SIK2: variants seen among roughly 807,000 people sequenced by gnomAD.
SIK2 encodes serine/threonine-protein kinase SIK2.
A neutral mutation model predicts 103.2 loss-of-function variants in SIK2; 29 were observed. That is an observed-to-expected ratio of 0.28 (90% CI 0.21 to 0.38). The LOEUF (loss-of-function observed/expected upper bound fraction) is 0.38. Among genes scored for constraint, SIK2 ranks in the 10% least tolerant of loss-of-function variants. The probability of loss-of-function intolerance (pLI) is 1.00; values close to 1 mark genes in which losing one functional copy is unlikely to be tolerated. For missense variants in SIK2, 879 were observed against 1,171.0 expected (o/e 0.75, Z 3.64); for synonymous variants, 412 against 446.1 (o/e 0.92, Z 0.96).
At chr11:111,652,977 A>G (rs1323242956) in intron 3 of SIK2, among the ~76,000 whole-genome samples, 1 of 152,218 alleles carries the variant, frequency 6.6e-6, no homozygotes, top group Non-Finnish European at 1.5e-5. Flanking sequence ...ATATTAGGTA[A>G]CTATATTAAA....
chr11:111,697,779 C>T (rs939524828), intron 4 of SIK2, among the ~76,000 whole-genome samples: 7 of 151,808 alleles, frequency 4.6e-5, no homozygotes, highest in African/African-American at 1.2e-4. Context: ...TCACTTGAGC[C>T]GAGGAGTTTA....
chr11:111,715,793 C>CTTTTTTTTT (rs535843069), intron 9 of SIK2, among the ~76,000 whole-genome samples: 50 of 81,594 alleles, frequency 6.1e-4, no homozygotes, highest in African/African-American at 7.3e-4. Context: ...TCATTTTTAG[C>CTTTTTTTTT]TTTTTTTTTT....
At chr11:111,690,643 G>A (rs1798087553) in intron 4 of SIK2, among the ~76,000 whole-genome samples, 3 of 148,870 alleles carry the variant, frequency 2.0e-5, no homozygotes, top group African/African-American at 7.5e-5. Flanking sequence ...CCCCATGTGT[G>A]ATGTTCCCCT....
At chr11:111,614,436 A>G (rs992828305) in intron 1 of SIK2, among the ~76,000 whole-genome samples, 1 of 152,212 alleles carries the variant, frequency 6.6e-6, no homozygotes, top group Non-Finnish European at 1.5e-5. Flanking sequence ...AGCCTTACCA[A>G]TAACAGAAAC....
intron 1 of SIK2, 85 bp from the exon 2 acceptor site, chr11:111,616,158 C>T: frequency 1.2e-6 from 1 of 851,884 alleles, no homozygotes; most frequent in South Asian, 1.6e-5. Flanking sequence ...CAGGTGAAGT[C>T]TCATGTCATT....
At chr11:111,644,756 C>CAT (rs1357260346) in intron 3 of SIK2, among the ~76,000 whole-genome samples, 4 of 152,198 alleles carry the variant, frequency 2.6e-5, no homozygotes, top group African/African-American at 4.8e-5. Context: ...TTATTCTTCA[C>CAT]ATATATATAC....
At chr11:111,691,721 A>G (rs1253675134) in intron 4 of SIK2, among the ~76,000 whole-genome samples, 2 of 152,314 alleles carry the variant, frequency 1.3e-5, no homozygotes, top group Non-Finnish European at 2.9e-5. Flanking sequence ...TTTCTTGCCC[A>G]CACTTAATTC....
intron 3 of SIK2, chr11:111,671,729 T>G (rs1373840940): frequency 2.5e-6 from 1 of 402,186 alleles, no homozygotes; most frequent in Admixed American, 3.1e-5. Flanking sequence ...GTTGATCTCA[T>G]CAGTCAACCC....
intron 1 of SIK2, among the ~76,000 whole-genome samples, chr11:111,612,948 T>TATATATATATATATATATA (rs1555024123): frequency 1.0e-5 from 1 of 95,654 alleles, no homozygotes; most frequent in African/African-American, 4.7e-5. Flanking sequence ...ATATATATAT[T>TATATATATATATATATATA]TATGATCATA....
At chr11:111,702,174 G>GTTAC (rs1281961533) in intron 6 of SIK2, among the ~76,000 whole-genome samples, 7 of 152,168 alleles carry the variant, frequency 4.6e-5, no homozygotes, top group Non-Finnish European at 8.8e-5. Flanking sequence ...GAGTCCACTG[G>GTTAC]TTACTGGCCA....
chr11:111,656,512 A>G (rs1391466543), intron 3 of SIK2, among the ~76,000 whole-genome samples: 4 of 152,318 alleles, frequency 2.6e-5, no homozygotes, highest in South Asian at 2.1e-4. Context: ...TTAACATTCC[A>G]TGAGGATAAC....
At position 111,723,674 on chromosome 11, in the gene SIK2, C is replaced by T. The variant is rs1327388735; in HGVS notation, c.2326C>T (p.Pro776Ser). The change falls in exon 15 of 15, where the codon CCC (proline) becomes TCC (serine). Residue 776 changes from proline to serine, a missense_variant. Pro to Ser is a moderately conservative substitution (Grantham distance 74). This residue lies in a region of SIK2 where 375 missense variants were observed against 416.3 expected (regional missense o/e 0.90). Transcript: ENST00000304987. Reference sequence around the variant, plus strand: ...GTTCAGCCTGACCCAGCCCCTGAGCCCCGTCCTGGAGCCTTCCTCCGAGCA... The same window carrying T: ...GTTCAGCCTGACCCAGCCCCTGAGCTCCGTCCTGGAGCCTTCCTCCGAGCA... ...PPFSLTQPLSPVLEPSSEQMQ... is the reference protein window; with the variant it reads ...PPFSLTQPLSSVLEPSSEQMQ... The T allele has an allele frequency of 1.2e-6, 2 of 1,613,688 alleles. No individual in the cohort carries two copies. The highest frequency in any genetic ancestry group is 1.7e-6 in the Non-Finnish European group (2 of 1,179,988).
intron 1 of SIK2, among the ~76,000 whole-genome samples, chr11:111,604,148 A>G (rs768195806): frequency 4.6e-5 from 7 of 152,392 alleles, no homozygotes; most frequent in Middle Eastern, 6.8e-3. Flanking sequence ...ACTTGACTAT[A>G]GTGATATTGT....
At chr11:111,664,057 G>C (rs1942502658) in intron 3 of SIK2, among the ~76,000 whole-genome samples, 1 of 152,178 alleles carries the variant, frequency 6.6e-6, no homozygotes, top group African/African-American at 2.4e-5. Context: ...GGGCCAAATA[G>C]CACATAATGC....
rs1267800909 is a variant in SIK2 at position 111,730,193 on chromosome 11, T to C, written c.*6064T>C. 6.6e-6 allele frequency: 1 copy of C among 152,198 alleles called. No individual in the cohort carries two copies. Among genetic ancestry groups the C allele is most frequent in the Non-Finnish European group, 1.5e-5 (1 of 68,036 alleles). The allele number at this position is 152,198 out of a possible 1,614,324, so 9.4% of individuals were successfully genotyped here. ...GGTGGGTAGAGGGGAGCTTTAAAAATAGAAGTACAAAACAACATCCTGGAA... is the reference window on the plus strand; with the variant it reads ...GGTGGGTAGAGGGGAGCTTTAAAAACAGAAGTACAAAACAACATCCTGGAA... On this transcript the variant is annotated 3_prime_UTR_variant, in exon 15 of 15. Transcript: ENST00000304987.
At chr11:111,646,667 A>G (rs1473576842) in intron 3 of SIK2, among the ~76,000 whole-genome samples, 1 of 152,102 alleles carries the variant, frequency 6.6e-6, no homozygotes, top group African/African-American at 2.4e-5. Flanking sequence ...CTGTACATAG[A>G]TTAGCTTGTA....
At chr11:111,671,811 C>T (rs769354312) in intron 3 of SIK2, 59 of 405,292 alleles carry the variant, frequency 1.5e-4, no homozygotes, top group Admixed American at 2.8e-4. Flanking sequence ...AAGACAAATT[C>T]GTTTTCCTTC....
intron 9 of SIK2, among the ~76,000 whole-genome samples, chr11:111,719,304 ACCTT>A (rs1194812057): frequency 6.6e-6 from 1 of 151,602 alleles, no homozygotes; most frequent in Non-Finnish European, 1.5e-5. Flanking sequence ...TCTTTCTAAA[ACCTT>A]CCATTATGTT....
intron 9 of SIK2, among the ~76,000 whole-genome samples, chr11:111,719,501 C>G (rs1474798500): frequency 6.6e-6 from 1 of 151,554 alleles, no homozygotes; most frequent in Admixed American, 6.6e-5. Context: ...CTGGAAACCA[C>G]TAAAAAAGTT....
Sources: allele counts gnomAD v4.1 joint callset (sites outside exome capture counted in the v4.1 genomes callset), GRCh38; gene constraint gnomAD v4.1.1; regional missense constraint gnomAD v4.1.1; transcripts MANE v1.5; gene names NCBI Gene and HGNC (gene_info 2026-07-23, HGNC 2026-07-21).